PLCB4: variants seen among roughly 807,000 people sequenced by gnomAD.
The protein encoded by PLCB4 is phospholipase C beta 4, also known as 1-phosphatidylinositol 4,5-bisphosphate phosphodiesterase beta-4.
A neutral mutation model predicts 178.8 loss-of-function variants in PLCB4; 77 were observed. The observed-to-expected ratio is 0.43, with a 90% confidence interval of 0.36 to 0.52. The LOEUF (loss-of-function observed/expected upper bound fraction) is 0.52, where lower values mean the gene tolerates loss of function less well. PLCB4 is among the 20% of genes least tolerant of loss of function. The pLI is 0.00. For synonymous variants in PLCB4, 496 were observed against 490.8 expected (o/e 1.01, Z -0.14); for missense variants, 1,024 against 1,453.4 (o/e 0.70, Z 4.80).
At chr20:9,277,584 A>G (rs370067482) in intron 3 of PLCB4, among the ~76,000 whole-genome samples, 20 of 152,156 alleles carry the variant, frequency 1.3e-4, no homozygotes, top group South Asian at 6.2e-4. Flanking sequence ...CCACAGTTAC[A>G]AAACGGTAAC....
chr20:9,177,164 A>G (rs1255192589), intron 2 of PLCB4, among the ~76,000 whole-genome samples: 1 of 152,182 alleles, frequency 6.6e-6, no homozygotes, highest in African/African-American at 2.4e-5. Context: ...TTGTGACACT[A>G]AGCAGAATGT....
At chr20:9,364,587 G>A (rs2035617768) in intron 8 of PLCB4, among the ~76,000 whole-genome samples, 1 of 152,200 alleles carries the variant, frequency 6.6e-6, no homozygotes, top group Non-Finnish European at 1.5e-5. Context: ...GCTAAATCAA[G>A]CTCCATCTGA....
At chr20:9,469,414 T>G (rs1256535211) in intron 36 of PLCB4, among the ~76,000 whole-genome samples, 1 of 152,226 alleles carries the variant, frequency 6.6e-6, no homozygotes, top group Non-Finnish European at 1.5e-5. Context: ...AGGGCGGTCT[T>G]CTTCAGTAGT....
chr20:9,419,201 T>G (rs1008214198), intron 25 of PLCB4, among the ~76,000 whole-genome samples: 4 of 152,202 alleles, frequency 2.6e-5, no homozygotes, highest in African/African-American at 7.2e-5. Context: ...AATAATTTAT[T>G]TTTATTTTCA....
At chr20:9,263,610 C>G (rs77207642) in intron 3 of PLCB4, among the ~76,000 whole-genome samples, 1,775 of 152,238 alleles carry the variant, frequency 0.012, 45 homozygotes, top group African/African-American at 0.041. Context: ...CCAACACAGA[C>G]CAGGGCTACT....
chr20:9,213,247 C>G (rs2093693119), intron 2 of PLCB4, among the ~76,000 whole-genome samples: 2 of 140,792 alleles, frequency 1.4e-5, no homozygotes, highest in South Asian at 4.6e-4. Context: ...CAGGTTCAAG[C>G]AGTTCTCTTG....
At position 9,400,572 on chromosome 20, in the gene PLCB4, G is replaced by A. The variant is rs2038948084; in HGVS notation, c.1511-918G>A. Among the ~76,000 whole-genome samples, 3 of 151,906 alleles carry A rather than the reference G, an allele frequency of 2.0e-5. No individual in the cohort carries two copies. The South Asian group carries it at 6.2e-4, about 32-fold the overall frequency. ...TTTTTTGTTTTGTTTTTACAGTAACGTTCCCTCATGCCCTGTGGTGTGACC... is the reference window on the plus strand; with the variant it reads ...TTTTTTGTTTTGTTTTTACAGTAACATTCCCTCATGCCCTGTGGTGTGACC... On this transcript the variant is annotated intron_variant, in intron 19 of 39. Transcript: ENST00000378473.
chr20:9,397,326 T>C (rs74545416), intron 19 of PLCB4, among the ~76,000 whole-genome samples: 3,023 of 152,328 alleles, frequency 0.02, 111 homozygotes, highest in African/African-American at 0.068. Flanking sequence ...TCTAGTTCTC[T>C]TACTCTTTCT....
chr20:9,362,795 T>C, intron 7 of PLCB4, 101 bp from the exon 8 acceptor site: 1 of 724,090 alleles, frequency 1.4e-6, no homozygotes, highest in South Asian at 1.5e-5. Flanking sequence ...GAAGAGTTTG[T>C]GTTTTTATTA....
intron 25 of PLCB4, among the ~76,000 whole-genome samples, chr20:9,415,848 C>A (rs1417443300): frequency 2.6e-5 from 4 of 152,188 alleles, no homozygotes; most frequent in Non-Finnish European, 4.4e-5. Flanking sequence ...ATCCACATAG[C>A]CAGCTCTGGT....
rs1238585032 is a variant in PLCB4 at position 9,123,979 on chromosome 20, G to T, written c.-79+27637G>T. On this transcript the variant is annotated intron_variant, in intron 2 of 39. Transcript: ENST00000378473. ...AGGCAATACCTAAGTGAGTGGGTGT[G>T]TGGGACTGGGTTCCAACACATCTGT... Among the ~76,000 whole-genome samples, 5 of 152,120 alleles carry T rather than the reference G, an allele frequency of 3.3e-5. No homozygotes were observed. The East Asian group carries it at 9.7e-4, about 30-fold the overall frequency.
chr20:9,352,717 C>T (rs1178605529), intron 7 of PLCB4, among the ~76,000 whole-genome samples: 2 of 152,140 alleles, frequency 1.3e-5, no homozygotes, highest in East Asian at 1.9e-4. Context: ...CACCCATACT[C>T]ATAGATGGCA....
In PLCB4 at chr20:9,103,023, G is replaced by C. The variant is rs931705900; in HGVS notation, c.-79+6681G>C. ...TCTTCTTCATGTCTGCTCTGCCATT[G>C]TACTTTTTTTTTTTTTTTTGAGACG... On this transcript the variant is annotated intron_variant, in intron 2 of 39. Coordinates refer to ENST00000378473, the MANE Select transcript of PLCB4 (RefSeq NM_001377142.1). Among the ~76,000 whole-genome samples, 3 of 136,072 alleles carry C rather than the reference G, an allele frequency of 2.2e-5. No individual in the cohort carries two copies. The Admixed American group carries it at 2.4e-4, about 11-fold the overall frequency. The allele number at this position is 136,072 out of a possible 152,430, so 89.3% of individuals were successfully genotyped here.
chr20:9,145,938 T>C (rs1011566551), intron 2 of PLCB4, among the ~76,000 whole-genome samples: 2 of 152,100 alleles, frequency 1.3e-5, no homozygotes, highest in South Asian at 2.1e-4. Context: ...AAGAACTGCA[T>C]GTTTGGGCTA....
intron 1 of PLCB4, among the ~76,000 whole-genome samples, chr20:9,070,479 C>T (rs2089511650): frequency 6.6e-6 from 1 of 152,180 alleles, no homozygotes; most frequent in Non-Finnish European, 1.5e-5. Flanking sequence ...TCAGCAGGGG[C>T]ATGTGGTGTA....
At chr20:9,393,482 G>T (rs1216884696) in intron 17 of PLCB4, 106 bp from the exon 18 acceptor site, 2 of 690,598 alleles carry the variant, frequency 2.9e-6, no homozygotes, top group Non-Finnish European at 5.1e-6. Flanking sequence ...CATCTAGTGG[G>T]TGTTGGGTTG....
intron 30 of PLCB4, among the ~76,000 whole-genome samples, chr20:9,441,028 G>T (rs1649451577): frequency 6.6e-6 from 1 of 152,144 alleles, no homozygotes; most frequent in Non-Finnish European, 1.5e-5. Flanking sequence ...TAGAGATGAA[G>T]ATTTCTAGAA....
chr20:9,473,831 T>A (rs1356639245), intron 38 of PLCB4, among the ~76,000 whole-genome samples: 1 of 152,164 alleles, frequency 6.6e-6, no homozygotes, highest in African/African-American at 2.4e-5. Context: ...TGAGCCCCCA[T>A]CACTCTACAA....
chr20:9,132,522 A>G (rs551882546), intron 2 of PLCB4, among the ~76,000 whole-genome samples: 6 of 152,292 alleles, frequency 3.9e-5, no homozygotes, highest in South Asian at 4.1e-4. Context: ...TTCATATTGT[A>G]AAGATGGTTA....
Sources: gnomAD v4.1 joint callset for allele counts (sites outside exome capture counted in the v4.1 genomes callset) on GRCh38, gnomAD v4.1.1 for gene constraint, MANE v1.5 for transcripts, NCBI Gene and HGNC (gene_info 2026-07-23, HGNC 2026-07-21) for gene names.